FOXN3: variants seen among roughly 807,000 people sequenced by gnomAD.
FOXN3 encodes forkhead box N3, also known as forkhead box protein N3.
In FOXN3, 7 loss-of-function variants were observed where a neutral mutation model predicts 38.4. The ratio of observed to expected loss-of-function variants is 0.18; its 90% CI spans 0.10 to 0.34. FOXN3 has a LOEUF of 0.34. Among genes scored for constraint, FOXN3 ranks in the 10% least tolerant of loss-of-function variants. The pLI, the probability that FOXN3 is intolerant of heterozygous loss-of-function variation, is 1.00. For missense variants in FOXN3, 456 were observed against 613.4 expected, an observed-to-expected ratio of 0.74 and a Z score of 2.71; for synonymous variants, 230 against 242.2, an observed-to-expected ratio of 0.95 and a Z score of 0.47.
At chr14:89,553,238 C>CAAAAAA (rs146581490) in intron 1 of FOXN3, among the ~76,000 whole-genome samples, 2 of 79,032 alleles carry the variant, frequency 2.5e-5, no homozygotes, top group African/African-American at 4.6e-5. Context: ...GACCCTGTCC[C>CAAAAAA]AAAAAAAAAA....
chr14:89,197,999 C>T (rs1038879588), intron 4 of FOXN3, among the ~76,000 whole-genome samples: 1 of 152,148 alleles, frequency 6.6e-6, no homozygotes, highest in South Asian at 2.1e-4. Context: ...ATTAATTAAC[C>T]CCCTACAATG....
chr14:89,380,088 T>C (rs1596240107), intron 2 of FOXN3, among the ~76,000 whole-genome samples: 1 of 152,160 alleles, frequency 6.6e-6, no homozygotes, highest in Non-Finnish European at 1.5e-5. Flanking sequence ...CCAAATCTCA[T>C]CTGGAATTGT....
chr14:89,579,509 C>A (rs186901126), intron 1 of FOXN3, among the ~76,000 whole-genome samples: 75 of 152,266 alleles, frequency 4.9e-4, no homozygotes, highest in African/African-American at 1.7e-3. Flanking sequence ...CACATAAAAT[C>A]CTCTAGTAGT....
intron 1 of FOXN3, among the ~76,000 whole-genome samples, chr14:89,536,101 C>A (rs1181857053): frequency 1.3e-5 from 2 of 152,158 alleles, no homozygotes; most frequent in African/African-American, 4.8e-5. Context: ...TCACTGGAGG[C>A]AAAATAAAGC....
intron 3 of FOXN3, among the ~76,000 whole-genome samples, chr14:89,343,814 G>C (rs1888688688): frequency 6.6e-6 from 1 of 151,928 alleles, no homozygotes; most frequent in Non-Finnish European, 1.5e-5. Context: ...CCAGGGTGGA[G>C]TGCAATGGTG....
intron 3 of FOXN3, among the ~76,000 whole-genome samples, chr14:89,298,899 G>T (rs1002988158): frequency 2.6e-5 from 4 of 152,176 alleles, no homozygotes; most frequent in African/African-American, 7.2e-5. Flanking sequence ...TGTTCCTCTT[G>T]TTGGGTAGAA....
intron 4 of FOXN3, among the ~76,000 whole-genome samples, chr14:89,251,391 T>C (rs1885450487): frequency 6.6e-6 from 1 of 152,252 alleles, no homozygotes. Flanking sequence ...GCCTCCAAGC[T>C]TTCTGTAGCC....
At chr14:89,618,603 A>T (rs1896537328) in intron 1 of FOXN3, among the ~76,000 whole-genome samples, 1 of 151,738 alleles carries the variant, frequency 6.6e-6, no homozygotes, top group Non-Finnish European at 1.5e-5. Flanking sequence ...CACATTTAAC[A>T]CGTTCCTTCC....
intron 1 of FOXN3, among the ~76,000 whole-genome samples, chr14:89,446,967 C>T (rs1442891276): frequency 6.6e-6 from 1 of 152,106 alleles, no homozygotes; most frequent in Non-Finnish European, 1.5e-5. Flanking sequence ...GAGGCCAAGG[C>T]GGGTGGATCA....
At chr14:89,433,969 G>C (rs1892220575) in intron 1 of FOXN3, among the ~76,000 whole-genome samples, 1 of 148,252 alleles carries the variant, frequency 6.7e-6, no homozygotes, top group Non-Finnish European at 1.5e-5. Context: ...TTGTCGCCCA[G>C]GCTGGAGTGC....
At chr14:89,590,441 A>C (rs778505429) in intron 1 of FOXN3, among the ~76,000 whole-genome samples, 24 of 152,304 alleles carry the variant, frequency 1.6e-4, no homozygotes, top group Middle Eastern at 3.4e-3. Context: ...ATTCCGGCAG[A>C]GGGGAGAACG....
intron 3 of FOXN3, among the ~76,000 whole-genome samples, chr14:89,347,623 G>A (rs1471568936): frequency 6.6e-6 from 1 of 152,226 alleles, no homozygotes; most frequent in Admixed American, 6.5e-5. Context: ...AGGTGTGGAA[G>A]AACATCCTAA....
chr14:89,246,068 C>T (rs1448084700), intron 4 of FOXN3, among the ~76,000 whole-genome samples: 1 of 152,078 alleles, frequency 6.6e-6, no homozygotes, highest in Non-Finnish European at 1.5e-5. Context: ...TGAAAATATT[C>T]TAAAACTGCT....
chr14:89,560,250 C>T (rs1017049961), intron 1 of FOXN3, among the ~76,000 whole-genome samples: 7 of 152,284 alleles, frequency 4.6e-5, no homozygotes, highest in African/African-American at 1.4e-4. Context: ...TCACCTCCAC[C>T]AGGTCCCTCC....
chr14:89,356,073 C>CAA (rs1008374813), intron 2 of FOXN3, among the ~76,000 whole-genome samples: 1 of 143,508 alleles, frequency 7.0e-6, no homozygotes. Context: ...AAAAAAGGAC[C>CAA]AAAAAAAAAA....
chr14:89,524,564 GTAT>G (rs1385631648), intron 1 of FOXN3, among the ~76,000 whole-genome samples: 2 of 151,418 alleles, frequency 1.3e-5, no homozygotes, highest in East Asian at 1.9e-4. Context: ...ACTCTCATCA[GTAT>G]TATTAGGAAA....
intron 4 of FOXN3, among the ~76,000 whole-genome samples, chr14:89,187,352 T>C (rs1887834433): frequency 6.6e-6 from 1 of 152,174 alleles, no homozygotes; most frequent in African/African-American, 2.4e-5. Context: ...TGTGTTGCTC[T>C]CCGAAGCCAC....
intron 4 of FOXN3, among the ~76,000 whole-genome samples, chr14:89,208,547 A>G (rs1281391894): frequency 6.6e-6 from 1 of 152,210 alleles, no homozygotes. Context: ...AGATTGCTAC[A>G]GAGACTCTTT....
intron 3 of FOXN3, among the ~76,000 whole-genome samples, chr14:89,282,211 C>T (rs185358289): frequency 1.1e-4 from 16 of 152,226 alleles, no homozygotes; most frequent in Non-Finnish European, 2.2e-4. Flanking sequence ...AAATGCTATC[C>T]CACATCAAAA....
Sources: gnomAD v4.1 joint callset for allele counts (sites outside exome capture counted in the v4.1 genomes callset) on GRCh38, gnomAD v4.1.1 for gene constraint, MANE v1.5 for transcripts, NCBI Gene and HGNC (gene_info 2026-07-23, HGNC 2026-07-21) for gene names.